PCDH15: variants seen among roughly 807,000 people sequenced by gnomAD.
PCDH15 encodes the protein protocadherin-15.
A neutral mutation model predicts 178.5 loss-of-function variants in PCDH15; 129 were observed. The observed-to-expected ratio is 0.72, with a 90% CI of 0.63 to 0.84. PCDH15 has a LOEUF of 0.84. Among genes scored for constraint, PCDH15 ranks in the 40% least tolerant of loss-of-function variants. The pLI, the probability that PCDH15 is intolerant of heterozygous loss-of-function variation, is 0.00. For synonymous variants in PCDH15, 800 were observed against 732.0 expected, an observed-to-expected ratio of 1.09 and a Z score of -1.50; for missense variants, 2,230 against 2,099.9, an observed-to-expected ratio of 1.06 and a Z score of -1.21.
intron 3 of PCDH15, among the ~76,000 whole-genome samples, chr10:54,507,201 T>C (rs1393902435): frequency 6.6e-6 from 1 of 151,906 alleles, no homozygotes; most frequent in Non-Finnish European, 1.5e-5. Context: ...GATCTCACAT[T>C]GTTTGGAAAT....
rs1258113810 is a variant in PCDH15 at position 54,987,647 on chromosome 10, G to T, written c.-79-90147C>A. On this transcript the variant is annotated intron_variant, in intron 2 of 5. Transcript: ENST00000458638. ...TGAGCTTTTTTTCATATGTTTTTTGGCCGCATAAATGTCTTCTTTTGAGAA... is the reference window on the plus strand; with the variant it reads ...TGAGCTTTTTTTCATATGTTTTTTGTCCGCATAAATGTCTTCTTTTGAGAA... Among the ~76,000 whole-genome samples the T allele has an allele frequency of 2.7e-5, 4 of 150,520 alleles. No individual in the cohort carries two copies. In the South Asian group the frequency reaches 6.3e-4, roughly 24 times the overall value.
At position 54,155,719 on chromosome 10, in the gene PCDH15, C is replaced by A. The variant is rs572658370; in HGVS notation, c.1591-2426G>T. The stretch of plus-strand genomic sequence containing the variant: ...AACATTAGCAGGAGAATTGCTTGAA[C>A]CTGAGAGGCAGAGGTTGCAGTGACC... On this transcript the variant is annotated intron_variant, in intron 13 of 37. Transcript: ENST00000644397. Among the ~76,000 whole-genome samples, 3 of 150,308 alleles carry A rather than the reference C, an allele frequency of 2.0e-5. No individual in the cohort carries two copies. The South Asian group carries it at 6.3e-4, about 32-fold the overall frequency.
rs2058544660 is a variant in PCDH15 at position 54,279,445 on chromosome 10, A to C, written c.876+37826T>G. Among the ~76,000 whole-genome samples the C allele has an allele frequency of 2.0e-5, 3 of 151,658 alleles. No homozygotes were observed. The South Asian group carries it at 6.2e-4, about 31-fold the overall frequency. On this transcript the variant is annotated intron_variant, in intron 8 of 37. Transcript: ENST00000644397. ...AATAATTAAATAACTTTGGAAACTC[A>C]CAACTTCAAAAAAATGTTCGCTGTT...
intron 2 of PCDH15, among the ~76,000 whole-genome samples, chr10:54,589,214 AC>A (rs1473155083): frequency 6.6e-6 from 1 of 152,102 alleles, no homozygotes; most frequent in Non-Finnish European, 1.5e-5. Context: ...CTAGCAATCT[AC>A]CCTTCATTTA....
At position 53,984,878 on chromosome 10, in the gene PCDH15, A is replaced by AT. The variant is rs536344709; in HGVS notation, c.2868+10770dup. On this transcript the variant is annotated intron_variant, in intron 21 of 37. Transcript: ENST00000644397. Reference sequence around the variant, plus strand: ...CCCCTTTCTTCTACTTCCTATTCTGATTTTTTGGGCTAGGCCATGTGACTT... The same window carrying AT: ...CCCCTTTCTTCTACTTCCTATTCTGATTTTTTTGGGCTAGGCCATGTGACTT... Among the ~76,000 whole-genome samples the AT allele has an allele frequency of 2.0e-5, 3 of 152,022 alleles. No individual in the cohort carries two copies. In the East Asian group the frequency reaches 5.8e-4, roughly 29 times the overall value.
At chr10:55,407,767 G>C (rs140616910) in intron 2 of PCDH15, among the ~76,000 whole-genome samples, 108 of 152,280 alleles carry the variant, frequency 7.1e-4, no homozygotes, top group African/African-American at 2.6e-3. Flanking sequence ...TTAGAAAGGA[G>C]AAGGCAACAA....
chr10:54,969,593 T>C (rs553467962), intron 2 of PCDH15, among the ~76,000 whole-genome samples: 91 of 152,264 alleles, frequency 6.0e-4, no homozygotes, highest in Non-Finnish European at 1.1e-3. Flanking sequence ...TGTACAGATG[T>C]TTTCTCGCCA....
At chr10:55,409,635 C>G (rs1588998971) in intron 2 of PCDH15, among the ~76,000 whole-genome samples, 1 of 151,860 alleles carries the variant, frequency 6.6e-6, no homozygotes, top group South Asian at 2.1e-4. Context: ...ATGCATTCAG[C>G]ACCATAAGTA....
intron 2 of PCDH15, among the ~76,000 whole-genome samples, chr10:55,427,116 A>T (rs1020211807): frequency 1.3e-5 from 2 of 152,142 alleles, no homozygotes; most frequent in Non-Finnish European, 2.9e-5. Flanking sequence ...ACCTGCCCTC[A>T]TCTTCCCAGA....
chr10:55,422,834 T>C (rs1269880600), intron 2 of PCDH15, among the ~76,000 whole-genome samples: 1 of 151,896 alleles, frequency 6.6e-6, no homozygotes, highest in East Asian at 1.9e-4. Flanking sequence ...AATAAGTTTA[T>C]TTTATAGATA....
At chr10:55,168,188 A>G (rs1839243773) in intron 1 of PCDH15, among the ~76,000 whole-genome samples, 2 of 152,164 alleles carry the variant, frequency 1.3e-5, no homozygotes, top group South Asian at 4.1e-4. Flanking sequence ...CAAATTATGG[A>G]TGAGGTGTGA....
chr10:53,923,779 C>T (rs1424588972), intron 25 of PCDH15, among the ~76,000 whole-genome samples: 1 of 152,130 alleles, frequency 6.6e-6, no homozygotes, highest in Non-Finnish European at 1.5e-5. Context: ...TCTTGAAACC[C>T]TCTTCTCCTT....
At position 55,125,121 on chromosome 10, in the gene PCDH15, C is replaced by T. The variant is rs140629721; in HGVS notation, c.-80+41455G>A. On this transcript the variant is annotated intron_variant, in intron 2 of 5. Transcript: ENST00000458638. Reference sequence around the variant, plus strand: ...AGTCAATTTCTCAGCAGAAAACACACGAAACAATCAAAATTAGGATACTTT... The same window carrying T: ...AGTCAATTTCTCAGCAGAAAACACATGAAACAATCAAAATTAGGATACTTT... Among the ~76,000 whole-genome samples, 561 of 150,766 alleles carry T rather than the reference C, an allele frequency of 3.7e-3. 2 individuals carry two copies. Among genetic ancestry groups the T allele is most frequent in the South Asian group, 8.6e-3 (41 of 4,782 alleles).
intron 2 of PCDH15, among the ~76,000 whole-genome samples, chr10:55,368,347 A>G (rs1273041626): frequency 6.6e-6 from 1 of 152,122 alleles, no homozygotes; most frequent in Non-Finnish European, 1.5e-5. Context: ...CACTACAAAT[A>G]TACACACAGC....
intron 2 of PCDH15, among the ~76,000 whole-genome samples, chr10:55,584,517 CGTGGTG>C (rs1006123748): frequency 1.3e-5 from 2 of 151,550 alleles, no homozygotes; most frequent in African/African-American, 4.8e-5. Flanking sequence ...ATTAGCTAGG[CGTGGTG>C]GTGGGTGCCT....
intron 2 of PCDH15, among the ~76,000 whole-genome samples, chr10:54,573,747 C>T (rs978956328): frequency 1.3e-5 from 2 of 152,024 alleles, no homozygotes; most frequent in Admixed American, 6.6e-5. Flanking sequence ...CATGACTTAC[C>T]CTACCCTCTC....
intron 20 of PCDH15, among the ~76,000 whole-genome samples, chr10:54,013,421 A>G (rs555514225): frequency 2.1e-4 from 32 of 152,198 alleles, no homozygotes; most frequent in African/African-American, 5.1e-4. Flanking sequence ...ATAGACATCT[A>G]TAGAACTCTC....
intron 2 of PCDH15, among the ~76,000 whole-genome samples, chr10:54,639,235 A>C (rs926513495): frequency 6.6e-6 from 1 of 152,192 alleles, no homozygotes; most frequent in Non-Finnish European, 1.5e-5. Context: ...TGCCACTTTG[A>C]AAGTTAATAT....
intron 3 of PCDH15, among the ~76,000 whole-genome samples, chr10:54,857,407 G>A (rs925091840): frequency 1.3e-5 from 2 of 152,044 alleles, no homozygotes; most frequent in Admixed American, 6.6e-5. Context: ...TCTTAATTTA[G>A]TGATTCCTCA....
Sources: gnomAD v4.1 joint callset for allele counts (sites outside exome capture counted in the v4.1 genomes callset) on GRCh38, gnomAD v4.1.1 for gene constraint, MANE v1.5 for transcripts, NCBI Gene and HGNC (gene_info 2026-07-23, HGNC 2026-07-21) for gene names.